Variants in CSMD1 observed in about 807,000 individuals in gnomAD.
CSMD1 encodes the protein CUB and sushi domain-containing protein 1.
A neutral mutation model predicts 417.5 loss-of-function variants in CSMD1; 213 were observed. That is an observed-to-expected ratio of 0.51 (90% CI 0.46 to 0.57). The LOEUF is 0.57. CSMD1 is among the 20% of genes least tolerant of loss of function. The probability of loss-of-function intolerance (pLI) is 0.00; values close to 1 mark genes in which losing one functional copy is unlikely to be tolerated. For synonymous variants in CSMD1, 2,862 were observed against 1,736.8 expected (o/e 1.65, Z -16.11); for missense variants, 6,923 against 4,529.7 (o/e 1.53, Z -15.17).
chr8:4,024,059 G>A (rs73183907), intron 4 of CSMD1, among the ~76,000 whole-genome samples: 4 of 152,126 alleles, frequency 2.6e-5, no homozygotes, highest in African/African-American at 7.2e-5. Flanking sequence ...CAAAACAGGA[G>A]AGAAAATATA....
chr8:3,173,605 G>A, intron 37 of CSMD1, among the ~76,000 whole-genome samples: 1 of 152,350 alleles, frequency 6.6e-6, no homozygotes, highest in Middle Eastern at 3.4e-3. Context: ...ATGAAGATTA[G>A]TTATTACACT....
chr8:4,502,340 G>A (rs866993082), intron 2 of CSMD1, among the ~76,000 whole-genome samples: 4 of 152,038 alleles, frequency 2.6e-5, no homozygotes, highest in Non-Finnish European at 4.4e-5. Context: ...AGATACAATG[G>A]CAATTCTATA....
At chr8:3,748,961 T>A (rs1457132293) in intron 6 of CSMD1, among the ~76,000 whole-genome samples, 2 of 152,226 alleles carry the variant, frequency 1.3e-5, no homozygotes, top group Non-Finnish European at 2.9e-5. Flanking sequence ...TCATGATGAT[T>A]TATCAGTTAC....
chr8:3,996,237 C>T (rs1335272165), intron 5 of CSMD1, among the ~76,000 whole-genome samples: 1 of 152,158 alleles, frequency 6.6e-6, no homozygotes, highest in Non-Finnish European at 1.5e-5. Flanking sequence ...CAGTCAATGC[C>T]CAATACCTCT....
intron 50 of CSMD1, among the ~76,000 whole-genome samples, chr8:3,034,954 C>G (rs78630659): frequency 1.3e-5 from 2 of 152,140 alleles, no homozygotes; most frequent in African/African-American, 4.8e-5. Context: ...GCCTCGGAAA[C>G]GGCTTTCTAC....
intron 4 of CSMD1, among the ~76,000 whole-genome samples, chr8:4,028,751 T>G (rs577379894): frequency 6.6e-6 from 1 of 152,330 alleles, no homozygotes; most frequent in African/African-American, 2.4e-5. Context: ...CATTAGTGCT[T>G]GTTGTGAGAG....
At chr8:4,176,032 G>T (rs370771337) in intron 3 of CSMD1, among the ~76,000 whole-genome samples, 2 of 152,068 alleles carry the variant, frequency 1.3e-5, no homozygotes, top group Non-Finnish European at 2.9e-5. Context: ...CCATTTCAGG[G>T]TTCCCAAGAA....
At chr8:4,431,139 C>T in intron 2 of CSMD1, among the ~76,000 whole-genome samples, 1 of 152,000 alleles carries the variant, frequency 6.6e-6, no homozygotes, top group East Asian at 1.9e-4. Context: ...AGAGGTGAGG[C>T]TCTAAATGAT....
intron 6 of CSMD1, among the ~76,000 whole-genome samples, chr8:3,739,859 G>C (rs747934679): frequency 2.0e-5 from 3 of 152,114 alleles, no homozygotes; most frequent in African/African-American, 4.8e-5. Flanking sequence ...AATTAAAAAA[G>C]CAGGGAAGTT....
intron 3 of CSMD1, among the ~76,000 whole-genome samples, chr8:4,236,405 T>C (rs181431839): frequency 6.6e-6 from 1 of 152,240 alleles, no homozygotes; most frequent in Admixed American, 6.5e-5. Context: ...GCACCCACTC[T>C]AGCCAGTCAA....
chr8:2,985,264 G>C (rs1005132389), intron 54 of CSMD1, among the ~76,000 whole-genome samples: 1 of 152,194 alleles, frequency 6.6e-6, no homozygotes, highest in African/African-American at 2.4e-5. Context: ...TGTATCACTA[G>C]CTTCTGCCTA....
At chr8:4,182,289 G>C (rs956693839) in intron 3 of CSMD1, among the ~76,000 whole-genome samples, 1 of 152,028 alleles carries the variant, frequency 6.6e-6, no homozygotes, top group African/African-American at 2.4e-5. Flanking sequence ...TTAAAAGAGG[G>C]TAAAGTTCTA....
intron 3 of CSMD1, among the ~76,000 whole-genome samples, chr8:4,128,802 C>G (rs1214779648): frequency 6.6e-6 from 1 of 152,090 alleles, no homozygotes; most frequent in East Asian, 1.9e-4. Flanking sequence ...TACTTATATC[C>G]TAGTGCAAGT....
intron 10 of CSMD1, among the ~76,000 whole-genome samples, chr8:3,567,382 A>G (rs779598911): frequency 6.6e-6 from 1 of 152,084 alleles, no homozygotes; most frequent in Non-Finnish European, 1.5e-5. Flanking sequence ...GTTTACCTAT[A>G]TAACAAACCT....
intron 11 of CSMD1, among the ~76,000 whole-genome samples, chr8:3,480,118 G>A (rs1159797221): frequency 1.3e-5 from 2 of 152,076 alleles, no homozygotes; most frequent in Non-Finnish European, 2.9e-5. Flanking sequence ...CAGCACTTTG[G>A]GAGGCCTAGG....
intron 1 of CSMD1, among the ~76,000 whole-genome samples, chr8:4,719,919 T>C (rs1360106052): frequency 6.6e-6 from 1 of 152,140 alleles, no homozygotes; most frequent in East Asian, 1.9e-4. Context: ...TTTTATTGAT[T>C]TTAACAGTTG....
intron 28 of CSMD1, among the ~76,000 whole-genome samples, chr8:3,220,843 T>C (rs1296275988): frequency 5.3e-5 from 8 of 151,876 alleles, no homozygotes; most frequent in African/African-American, 1.9e-4. Flanking sequence ...CAAAAACCAA[T>C]CAACCAACCA....
chr8:3,511,762 A>AAATAAC (rs398112115), intron 10 of CSMD1, among the ~76,000 whole-genome samples: 4,903 of 138,300 alleles, frequency 0.035, 159 homozygotes, highest in East Asian at 0.085. Flanking sequence ...TCTCTAAAAA[A>AAATAAC]ATAACATAAC....
chr8:4,405,922 G>A (rs186757987), intron 3 of CSMD1, among the ~76,000 whole-genome samples: 35 of 152,224 alleles, frequency 2.3e-4, no homozygotes, highest in South Asian at 1.2e-3. Flanking sequence ...GGAGCATCTC[G>A]TTTCCTTTAA....
Sources: allele counts gnomAD v4.1 joint callset (sites outside exome capture counted in the v4.1 genomes callset), GRCh38; gene constraint gnomAD v4.1.1; transcripts MANE v1.5; gene names NCBI Gene and HGNC (gene_info 2026-07-23, HGNC 2026-07-21).